The following CSNK1E variants were observed in gnomAD, a reference collection of about 807,000 sequenced individuals.
The protein encoded by CSNK1E is casein kinase I isoform epsilon.
A neutral mutation model predicts 46.1 loss-of-function variants in CSNK1E; 17 were observed. The observed-to-expected ratio is 0.37, with a 90% CI of 0.25 to 0.55. CSNK1E has a LOEUF of 0.55. Among genes scored for constraint, CSNK1E ranks in the 20% least tolerant of loss-of-function variants. The pLI is 0.82. For synonymous variants in CSNK1E, 241 were observed against 242.6 expected, an observed-to-expected ratio of 0.99 and a Z score of 0.06; for missense variants, 386 against 595.4, an observed-to-expected ratio of 0.65 and a Z score of 3.66.
Position 38,303,169 on chromosome 22 carries a change from C to T in CSNK1E, c.156G>A (p.Glu52=). Residue 52 remains glutamate (E), a synonymous_variant, in exon 3 of 11, where the codon GAG becomes GAA. Transcript: ENST00000396832. This position sits in a 1 kb window ranked among gnomAD's most constrained non-coding sequence, Gnocchi z 4.7. The part of the protein sequence containing the change: ...VKTKHPQLHI[E]SKFYKMMQGG... Reference sequence around the variant, plus strand: ...CCTGCATCATCTTGTAGAACTTGCTCTCGATGTGCAGCTGGGGGTGCTTTG... The same window carrying T: ...CCTGCATCATCTTGTAGAACTTGCTTTCGATGTGCAGCTGGGGGTGCTTTG... 1 of 1,610,584 alleles carries T rather than the reference C, an allele frequency of 6.2e-7. No homozygotes were observed. Among genetic ancestry groups the T allele is most frequent in the Non-Finnish European group, 8.5e-7 (1 of 1,179,010 alleles).
Position 38,315,164 on chromosome 22 carries a change from T to G in CSNK1E, c.-12-995A>C, listed in dbSNP as rs967225625. On this transcript the variant is annotated intron_variant, in intron 1 of 10. Transcript: ENST00000396832. ...GGTACAGCCTCGCCGAGGACAGGGC[T>G]CCGGCTGTCCCACCTGGTGGTCTCC... Among the ~76,000 whole-genome samples the G allele has an allele frequency of 6.6e-5, 10 of 152,284 alleles. 1 individual carries two copies. Among genetic ancestry groups the G allele is most frequent in the African/African-American group, 2.4e-4 (10 of 41,548 alleles).
intron 2 of CSNK1E, among the ~76,000 whole-genome samples, chr22:38,311,525 G>A (rs1328831905): frequency 1.3e-5 from 2 of 152,262 alleles, no homozygotes; most frequent in South Asian, 2.1e-4. Flanking sequence ...TGGGATGGGC[G>A]CTGTCTAGGA....
Position 38,298,738 on chromosome 22 carries a change from C to T in CSNK1E, c.885+48G>A. 1 of 1,610,296 alleles carries T rather than the reference C, an allele frequency of 6.2e-7. No individual in the cohort carries two copies. The highest frequency in any genetic ancestry group is 8.5e-7 in the Non-Finnish European group (1 of 1,178,002). ...TCACTCTGGCCCTCTGAGTCAGGGC[C>T]TTCCCCATCCAGTCCCCCAAGCCCG... On this transcript the variant is annotated intron_variant, in intron 7 of 10. Coordinates refer to ENST00000396832, the MANE Select transcript of CSNK1E (RefSeq NM_152221.3). This position sits in a 1 kb window ranked among gnomAD's most constrained non-coding sequence, Gnocchi z 4.2.
chr22:38,297,880 G>A lies in CSNK1E; in HGVS notation c.885+906C>T, dbSNP rs12169956. On this transcript the variant is annotated intron_variant, in intron 7 of 10. Coordinates refer to ENST00000396832, the MANE Select transcript of CSNK1E (RefSeq NM_152221.3). ...CCCGATGGGCTCAGGCACACCTGGC[G>A]ACATCAGAAATGGGGCCCTGGAGTC... 401 of 1,048,144 alleles carry A rather than the reference G, an allele frequency of 3.8e-4. No homozygotes were observed. In the Middle Eastern group the frequency reaches 5.1e-3, roughly 13 times the overall value. The allele number at this position is 1,048,144 out of a possible 1,614,324, so 64.9% of individuals were successfully genotyped here.
intron 6 of CSNK1E, among the ~76,000 whole-genome samples, chr22:38,299,666 G>A (rs969481799): frequency 1.3e-5 from 2 of 152,244 alleles, no homozygotes; most frequent in Admixed American, 6.5e-5. Context: ...TGGGATTACA[G>A]GTGGGGCTAA....
In CSNK1E at chr22:38,300,552, G is replaced by A. The variant is rs573059471; in HGVS notation, c.565+172C>T. ...GCTTGGCTTACGAAGGGGAAGACCCGACTGTGCAAGGACACGGAATAAGCA... is the reference window on the plus strand; with the variant it reads ...GCTTGGCTTACGAAGGGGAAGACCCAACTGTGCAAGGACACGGAATAAGCA... On this transcript the variant is annotated intron_variant, in intron 5 of 10. Coordinates refer to ENST00000396832, the MANE Select transcript of CSNK1E (RefSeq NM_152221.3). This position sits in a 1 kb window ranked among gnomAD's most constrained non-coding sequence, Gnocchi z 4.4. Among the ~76,000 whole-genome samples the A allele has an allele frequency of 3.3e-5, 5 of 152,350 alleles. No individual in the cohort carries two copies. The highest frequency in any genetic ancestry group is 1.2e-4 in the African/African-American group (5 of 41,570).
Position 38,294,010 on chromosome 22 carries a change from T to C in CSNK1E, c.1218+99A>G. On this transcript the variant is annotated intron_variant, in intron 9 of 10. Coordinates refer to ENST00000396832, the MANE Select transcript of CSNK1E (RefSeq NM_152221.3). This position sits in a 1 kb window ranked among gnomAD's most constrained non-coding sequence, Gnocchi z 5.5. ...GGGGTTCACTCCAAGGCAAGCAGCG[T>C]CGATGGAAAGGGAAGAACAGAGCCA... 1 of 1,397,214 alleles carries C rather than the reference T, an allele frequency of 7.2e-7. No homozygotes were observed. Among genetic ancestry groups the C allele is most frequent in the Non-Finnish European group, 9.7e-7 (1 of 1,034,134 alleles). The allele number at this position is 1,397,214 out of a possible 1,614,324, so 86.6% of individuals were successfully genotyped here.
At chr22:38,313,019 G>T (rs1298488948) in intron 2 of CSNK1E, among the ~76,000 whole-genome samples, 5 of 152,160 alleles carry the variant, frequency 3.3e-5, no homozygotes, top group Non-Finnish European at 7.4e-5. Flanking sequence ...ACTATCTCTA[G>T]GGGCTGCAGA....
chr22:38,298,437 A>T lies in CSNK1E; in HGVS notation c.885+349T>A. 2.7e-6 allele frequency: 1 copy of T among 371,508 alleles called. No individual in the cohort carries two copies. The allele number at this position is 371,508 out of a possible 1,614,324, so 23.0% of individuals were successfully genotyped here. On this transcript the variant is annotated intron_variant, in intron 7 of 10. Transcript: ENST00000396832. The surrounding 1 kb of genome is among the most constrained non-coding windows in gnomAD (Gnocchi z 4.2). ...GTGCAGGTAGCCACCTGGGATGTGC[A>T]GAACAGGAGCAGCAGGACGGTGTAG...
At chr22:38,317,474 C>T (rs369105805), upstream of CSNK1E, 4,673 of 144,854 alleles carry the variant, frequency 0.032, 100 homozygotes, top group Middle Eastern at 0.071. Flanking sequence ...GCCCCGGGCC[C>T]GCCCGCTGAT....
rs2092734549 is a variant in CSNK1E, at chr22:38,314,412, T to C, written c.-12-243A>G. ...GCCAAGCAAGCATGTCTTTGGGGGA[T>C]GCTCATTCAGGGGCCCCTCAAAAGA... On this transcript the variant is annotated intron_variant, in intron 1 of 10. Transcript: ENST00000396832. 5.9e-5 allele frequency among the ~76,000 whole-genome samples: 9 copies of C among 152,252 alleles called. 1 individual carries two copies. The South Asian group carries it at 1.9e-3, about 32-fold the overall frequency.
chr22:38,306,410 C>T (rs1259680681), intron 2 of CSNK1E, among the ~76,000 whole-genome samples: 1 of 152,210 alleles, frequency 6.6e-6, no homozygotes, highest in African/African-American at 2.4e-5. Context: ...AGTATATTCA[C>T]AAGCTTGCGC....
chr22:38,308,074 C>T (rs1275061535), intron 2 of CSNK1E, among the ~76,000 whole-genome samples: 2 of 152,156 alleles, frequency 1.3e-5, no homozygotes, highest in Non-Finnish European at 2.9e-5. Context: ...ATCCCCTGCC[C>T]CCCAACTAAT....
In CSNK1E at chr22:38,317,309, G is replaced by C; in HGVS notation, c.-162C>G. ...CCGCCGCCGCCGCCGCCGCCGCCGC[G>C]CTCCGCTCGGCCCCGGCCGGGCTCT... On this transcript the variant is annotated 5_prime_UTR_variant, in exon 1 of 11. Transcript: ENST00000396832. 1 of 143,272 alleles carries C rather than the reference G, an allele frequency of 7.0e-6. No individual in the cohort carries two copies. Among genetic ancestry groups the C allele is most frequent in the Non-Finnish European group, 1.5e-5 (1 of 66,810 alleles). The allele number at this position is 143,272 out of a possible 1,614,324, so 8.9% of individuals were successfully genotyped here. A position where few individuals can be genotyped will look rare whatever the true frequency, so the allele number is the denominator to read the frequency against.
intron 7 of CSNK1E, chr22:38,296,381 A>G: frequency 7.2e-7 from 1 of 1,398,446 alleles, no homozygotes; most frequent in Non-Finnish European, 9.3e-7. Context: ...TCCAGGCCCC[A>G]GGGATCCACA....
chr22:38,301,510 G>GCCA (rs1247377747), intron 4 of CSNK1E, among the ~76,000 whole-genome samples: 2 of 152,054 alleles, frequency 1.3e-5, no homozygotes, highest in African/African-American at 4.8e-5. Flanking sequence ...TCGGCTCACT[G>GCCA]CAACTTCTGC....
intron 1 of CSNK1E, among the ~76,000 whole-genome samples, chr22:38,315,916 C>T (rs2092743145): frequency 1.3e-5 from 2 of 152,074 alleles, no homozygotes; most frequent in African/African-American, 2.4e-5. Flanking sequence ...CCCTTCAGGA[C>T]CCCCTGACTG....
At chr22:38,296,556 T>C (rs758221321) in intron 7 of CSNK1E, 5 of 1,612,244 alleles carry the variant, frequency 3.1e-6, no homozygotes, top group Non-Finnish European at 1.7e-6. Flanking sequence ...GGCCGTGGCA[T>C]TGAGTCAGAG....
chr22:38,299,658 G>T (rs2092660392), intron 6 of CSNK1E, among the ~76,000 whole-genome samples: 1 of 152,210 alleles, frequency 6.6e-6, no homozygotes, highest in Non-Finnish European at 1.5e-5. Flanking sequence ...TGAGTAGCTG[G>T]GATTACAGGT....
Sources: gnomAD v4.1 joint callset for allele counts (sites outside exome capture counted in the v4.1 genomes callset) on GRCh38, gnomAD v4.1.1 for gene constraint, Gnocchi (gnomAD v3.1) non-coding constraint, MANE v1.5 for transcripts, NCBI Gene and HGNC (gene_info 2026-07-23, HGNC 2026-07-21) for gene names.